Variants in NUP88 observed in about 807,000 individuals in gnomAD.
The protein encoded by NUP88 is nuclear pore complex protein Nup88.
NUP88 carries 57 observed loss-of-function variants against 93.9 expected under a neutral mutation model. The ratio of observed to expected loss-of-function variants is 0.61; its 90% CI spans 0.49 to 0.76. NUP88 has a LOEUF of 0.76. NUP88 is among the 30% of genes least tolerant of loss of function. The pLI, the probability that NUP88 is intolerant of heterozygous loss-of-function variation, is 0.00. For missense variants in NUP88, 911 were observed against 901.0 expected (o/e 1.01, Z -0.14); for synonymous variants, 346 against 336.8 (o/e 1.03, Z -0.30).
Position 5,388,942 on chromosome 17 carries a change from C to T in NUP88, c.1503G>A (p.Ala501=), listed in dbSNP as rs61753104. The T allele has an allele frequency of 0.02, 32,359 of 1,610,764 alleles. 394 individuals are homozygous for T. The highest frequency in any genetic ancestry group is 0.024 in the Non-Finnish European group (28,846 of 1,178,294). ...IWPLLSTVHP[A]SPPLLCTRED... is the part of the protein sequence containing the mutation. ...CTCGAGTACAAAGCAGGGGAGGAGACGCTGGATGGACTGTACTTCTGCAAA... is the reference window on the plus strand; with the variant it reads ...CTCGAGTACAAAGCAGGGGAGGAGATGCTGGATGGACTGTACTTCTGCAAA... Residue 501 remains alanine (A), a synonymous_variant, in exon 11 of 17, where the codon GCG becomes GCA. Transcript: ENST00000573584.
rs1911890479 is a variant in NUP88, at chr17:5,385,605, A to C, written c.*601T>G. On this transcript the variant is annotated 3_prime_UTR_variant, in exon 17 of 17. Coordinates refer to ENST00000573584, the MANE Select transcript of NUP88 (RefSeq NM_002532.6). ...CTAAACTTGCACCTCATGTCCACTC[A>C]GTAACAAGTATTGGGACGTAGAGCA... 1 of 230,986 alleles carries C rather than the reference A, an allele frequency of 4.3e-6. No individual in the cohort carries two copies. Among genetic ancestry groups the C allele is most frequent in the South Asian group, 1.8e-4 (1 of 5,504 alleles). The allele number at this position is 230,986 out of a possible 1,614,324, so 14.3% of individuals were successfully genotyped here.
chr17:5,394,885 C>G lies in NUP88; in HGVS notation c.1382+6G>C. On this transcript the variant is annotated splice_donor_region_variant and intron_variant, in intron 9 of 16. Transcript: ENST00000573584. ...TTCTGATATACAAGGGAGGGAGAGTCCTTACCTGCAGGGCAATGGCTTCGT... is the reference window on the plus strand; with the variant it reads ...TTCTGATATACAAGGGAGGGAGAGTGCTTACCTGCAGGGCAATGGCTTCGT... 1 of 1,598,404 alleles carries G rather than the reference C, an allele frequency of 6.3e-7. No homozygotes were observed. The highest frequency in any genetic ancestry group is 8.6e-7 in the Non-Finnish European group (1 of 1,165,886).
chr17:5,395,656 G>A (rs1429154709), intron 8 of NUP88, among the ~76,000 whole-genome samples: 1 of 151,876 alleles, frequency 6.6e-6, no homozygotes, highest in East Asian at 1.9e-4. Flanking sequence ...AGCCTCCTGA[G>A]TAGCTGGGAC....
intron 5 of NUP88, among the ~76,000 whole-genome samples, chr17:5,405,719 G>A (rs1337934871): frequency 1.3e-5 from 2 of 152,148 alleles, no homozygotes; most frequent in Non-Finnish European, 2.9e-5. Context: ...AATCCAAAAT[G>A]CACTTAACCT....
intron 7 of NUP88, among the ~76,000 whole-genome samples, chr17:5,400,673 A>T (rs1913104678): frequency 6.6e-6 from 1 of 152,198 alleles, no homozygotes; most frequent in South Asian, 2.1e-4. Context: ...TAGAAAACCT[A>T]TGCTTATGCT....
At chr17:5,418,144 CAA>C (rs112597300) in intron 1 of NUP88, 123 of 122,706 alleles carry the variant, frequency 1.0e-3, no homozygotes, top group East Asian at 1.3e-3. Context: ...AACTCCATCT[CAA>C]AAAAAAAAAA....
In NUP88 at chr17:5,404,067, G is replaced by A. The variant is rs760313897; in HGVS notation, c.1192+32C>T. 5 of 1,605,070 alleles carry A rather than the reference G, an allele frequency of 3.1e-6. No homozygotes were observed. The South Asian group carries it at 5.5e-5, about 18-fold the overall frequency. Reference sequence around the variant, plus strand: ...GATAGTCTTAGTATAAAAATCATGGGAAAAAAGCACTACATTTATTGAAGA... The same window carrying A: ...GATAGTCTTAGTATAAAAATCATGGAAAAAAAGCACTACATTTATTGAAGA... On this transcript the variant is annotated intron_variant, in intron 7 of 16. Coordinates refer to ENST00000573584, the MANE Select transcript of NUP88 (RefSeq NM_002532.6).
chr17:5,393,870 T>C (rs1912603755), intron 9 of NUP88, among the ~76,000 whole-genome samples: 2 of 152,228 alleles, frequency 1.3e-5, no homozygotes, highest in African/African-American at 4.8e-5. Context: ...CTCATGTCTG[T>C]GTATACTCCA....
intron 10 of NUP88, among the ~76,000 whole-genome samples, chr17:5,390,100 G>A (rs1912315888): frequency 6.6e-6 from 1 of 150,794 alleles, no homozygotes. Context: ...GGGAGGCAGA[G>A]GTTGCAGTGA....
chr17:5,403,843 C>G (rs1913319341), intron 7 of NUP88, among the ~76,000 whole-genome samples: 1 of 152,172 alleles, frequency 6.6e-6, no homozygotes, highest in Non-Finnish European at 1.5e-5. Flanking sequence ...GGTAGTTCTA[C>G]TTTTGAAAGG....
intron 8 of NUP88, among the ~76,000 whole-genome samples, chr17:5,398,524 C>T (rs1031347553): frequency 8.6e-5 from 13 of 152,030 alleles, no homozygotes; most frequent in South Asian, 4.2e-4. Flanking sequence ...CCCCTGACCT[C>T]GGGTGATCCA....
intron 8 of NUP88, among the ~76,000 whole-genome samples, chr17:5,395,463 G>A (rs1912714261): frequency 6.6e-6 from 1 of 151,902 alleles, no homozygotes; most frequent in Non-Finnish European, 1.5e-5. Context: ...GCTCACTCAG[G>A]TTCAAGGATG....
intron 6 of NUP88, among the ~76,000 whole-genome samples, 180 bp downstream of exon 6, chr17:5,404,877 A>C (rs756060412): frequency 8.5e-5 from 13 of 152,240 alleles, no homozygotes; most frequent in Non-Finnish European, 1.6e-4. Context: ...GCAACCTTCT[A>C]ACTTCTTTCC....
At chr17:5,405,437 C>T (rs1029397693) in intron 5 of NUP88, among the ~76,000 whole-genome samples, 194 bp from the exon 6 acceptor site, 3 of 152,188 alleles carry the variant, frequency 2.0e-5, no homozygotes, top group African/African-American at 7.2e-5. Context: ...GATAATTTTG[C>T]CCTAGCGGAC....
chr17:5,412,249 A>G (rs1032736941), intron 3 of NUP88, among the ~76,000 whole-genome samples: 1 of 152,204 alleles, frequency 6.6e-6, no homozygotes, highest in Admixed American at 6.5e-5. Flanking sequence ...TTAGGAGTAC[A>G]GTATAATGTT....
chr17:5,403,408 C>T (rs994170556), intron 7 of NUP88, among the ~76,000 whole-genome samples: 1 of 152,118 alleles, frequency 6.6e-6, no homozygotes, highest in Admixed American at 6.5e-5. Flanking sequence ...ACCCAGGAGG[C>T]GGAGGTTGCA....
chr17:5,391,322 C>G (rs1414600380), intron 10 of NUP88, among the ~76,000 whole-genome samples: 1 of 152,116 alleles, frequency 6.6e-6, no homozygotes, highest in African/African-American at 2.4e-5. Context: ...TTTCTCCACA[C>G]TCTGAAGAAA....
chr17:5,386,703 C>G lies in NUP88; in HGVS notation c.2162+5G>C. On this transcript the variant is annotated splice_donor_5th_base_variant and intron_variant, in intron 16 of 16. Transcript: ENST00000573584. ...GATAATAGCTGATTGGAAGTATTTA[C>G]TTACTCCTCTTTCAGGATGGACTGA... The G allele has an allele frequency of 6.4e-7, 1 of 1,557,340 alleles. No homozygotes were observed. Among genetic ancestry groups the G allele is most frequent in the Non-Finnish European group, 8.9e-7 (1 of 1,128,734 alleles).
chr17:5,416,794 T>A, intron 1 of NUP88, 112 bp from the exon 2 acceptor site: 2 of 856,612 alleles, frequency 2.3e-6, no homozygotes, highest in Non-Finnish European at 3.5e-6. Context: ...ATAATAAAAC[T>A]CTGGATAAGT....
Sources: allele counts gnomAD v4.1 joint callset (sites outside exome capture counted in the v4.1 genomes callset), GRCh38; gene constraint gnomAD v4.1.1; transcripts MANE v1.5; gene names NCBI Gene and HGNC (gene_info 2026-07-23, HGNC 2026-07-21).